Variants in ATR observed in about 807,000 individuals in gnomAD.
The protein encoded by ATR is serine/threonine-protein kinase ATR.
Under a neutral mutation model 305.3 loss-of-function variants are expected in ATR, and 142 were observed. That is an observed-to-expected ratio of 0.47 (90% confidence interval 0.41 to 0.53). ATR has a LOEUF of 0.53. ATR is among the 20% of genes least tolerant of loss of function. The pLI is 0.00. For missense variants in ATR, 2,135 were observed against 3,133.1 expected, an observed-to-expected ratio of 0.68 and a Z score of 7.60; for synonymous variants, 1,050 against 1,068.1, an observed-to-expected ratio of 0.98 and a Z score of 0.33.
intron 45 of ATR, among the ~76,000 whole-genome samples, chr3:142,455,046 GAACT>G (rs1331906423): frequency 6.6e-6 from 1 of 152,012 alleles, no homozygotes; most frequent in Non-Finnish European, 1.5e-5. Context: ...ATAATTATTA[GAACT>G]AATACATGAA....
At position 142,560,458 on chromosome 3, in the gene ATR, T is replaced by C. The variant is rs777112000; in HGVS notation, c.1350-4A>G. 1.4e-5 allele frequency: 22 copies of C among 1,596,104 alleles called. No individual in the cohort carries two copies. Among genetic ancestry groups the C allele is most frequent in the Admixed American group, 6.7e-5 (4 of 59,984 alleles). ...GTTCATGTCCACATGTTTAATTCTA[T>C]AATTATGAATATAGTAGAGAGATAT... On this transcript the variant is annotated splice_region_variant and splice_polypyrimidine_tract_variant and intron_variant, in intron 5 of 46. Transcript: ENST00000350721.
At chr3:142,499,371 T>C (rs1351073295) in intron 31 of ATR, among the ~76,000 whole-genome samples, 1 of 151,818 alleles carries the variant, frequency 6.6e-6, no homozygotes, top group Non-Finnish European at 1.5e-5. Context: ...CTCAGCTCAC[T>C]GCAACCTCCA....
At chr3:142,462,199 G>A (rs2071035877) in intron 41 of ATR, 109 bp from the exon 42 acceptor site, 1 of 1,124,430 alleles carries the variant, frequency 8.9e-7, no homozygotes, top group Non-Finnish European at 1.3e-6. Context: ...GAATGTCATT[G>A]AAGGCTTACT....
intron 16 of ATR, 120 bp from the exon 17 acceptor site, chr3:142,542,877 T>C: frequency 2.5e-6 from 2 of 809,100 alleles, no homozygotes; most frequent in Non-Finnish European, 4.0e-6. Flanking sequence ...ATATTAGAAA[T>C]AAACACTTGG....
intron 27 of ATR, among the ~76,000 whole-genome samples, chr3:142,511,673 T>C (rs569221360): frequency 1.3e-5 from 2 of 150,954 alleles, no homozygotes; most frequent in Non-Finnish European, 3.0e-5. Context: ...AATTAATAAA[T>C]AAAAATAAAA....
intron 1 of ATR, 72 bp downstream of exon 1, chr3:142,578,574 G>A (rs1329542423): frequency 1.3e-6 from 2 of 1,509,766 alleles, no homozygotes; most frequent in East Asian, 2.3e-5. Context: ...CAGCAGGGGA[G>A]GGGAGAGCAC....
chr3:142,565,055 T>C (rs1456898344), intron 3 of ATR, among the ~76,000 whole-genome samples: 1 of 152,174 alleles, frequency 6.6e-6, no homozygotes, highest in African/African-American at 2.4e-5. Context: ...CCTATGATAT[T>C]TTCTAGTTTA....
chr3:142,493,426 C>A, intron 34 of ATR, 115 bp from the exon 35 acceptor site: 1 of 1,173,924 alleles, frequency 8.5e-7, no homozygotes, highest in South Asian at 1.6e-5. Context: ...TCATGTTTAT[C>A]TTTTACTTGC....
At chr3:142,526,650 C>T (rs1036071478) in intron 21 of ATR, among the ~76,000 whole-genome samples, 3 of 151,846 alleles carry the variant, frequency 2.0e-5, no homozygotes, top group Non-Finnish European at 4.4e-5. Context: ...AAAGTCTATT[C>T]GGCATCTATG....
intron 19 of ATR, among the ~76,000 whole-genome samples, chr3:142,536,716 A>G (rs1392453444): frequency 2.0e-5 from 3 of 152,196 alleles, no homozygotes; most frequent in Non-Finnish European, 4.4e-5. Flanking sequence ...ATGTGGCCAC[A>G]TCAGTGACCA....
intron 1 of ATR, among the ~76,000 whole-genome samples, chr3:142,574,922 G>A (rs747030393): frequency 1.6e-4 from 24 of 152,240 alleles, no homozygotes; most frequent in Non-Finnish European, 2.4e-4. Context: ...AGATGCAGCT[G>A]AAGAGGGAAG....
At chr3:142,494,266 A>G (rs1470088083) in intron 34 of ATR, among the ~76,000 whole-genome samples, 2 of 152,194 alleles carry the variant, frequency 1.3e-5, no homozygotes, top group African/African-American at 4.8e-5. Flanking sequence ...TTTGTTATCC[A>G]TAGAGAATCC....
At position 142,556,469 on chromosome 3, in the gene ATR, A is replaced by G. The variant is rs1180771627; in HGVS notation, c.1992T>C (p.His664=). 2 of 1,614,014 alleles carry G rather than the reference A, an allele frequency of 1.2e-6. No homozygotes were observed. Among genetic ancestry groups the G allele is most frequent in the African/African-American group, 2.7e-5 (2 of 74,936 alleles). ...AVYNWALQSS[H]EVIRASCVSG... Reference sequence around the variant, plus strand: ...TAACACAACTAGCCCGGATTACTTCATGGGAGCTCTGCAGGGCCCAGTTGT... The same window carrying G: ...TAACACAACTAGCCCGGATTACTTCGTGGGAGCTCTGCAGGGCCCAGTTGT... The change falls in exon 9 of 47, where the codon CAT becomes CAC. Residue 664 remains histidine, a synonymous_variant. Coordinates refer to ENST00000350721, the MANE Select transcript of ATR (RefSeq NM_001184.4).
chr3:142,452,030 A>G lies in ATR; in HGVS notation c.7761+1098T>C, dbSNP rs997653096. On this transcript the variant is annotated intron_variant, in intron 46 of 46. Transcript: ENST00000350721. ...GAGTGAATTTTTCCACAATTCTGGA[A>G]ATATTAATCTCACCCTACAGATGAA... The G allele has an allele frequency of 7.8e-6, 8 of 1,031,668 alleles. No homozygotes were observed. In the African/African-American group the frequency reaches 1.2e-4, roughly 15 times the overall value. The allele number at this position is 1,031,668 out of a possible 1,614,324, so 63.9% of individuals were successfully genotyped here.
intron 24 of ATR, among the ~76,000 whole-genome samples, chr3:142,516,142 T>A (rs540059615): frequency 6.6e-6 from 1 of 152,172 alleles, no homozygotes; most frequent in Non-Finnish European, 1.5e-5. Flanking sequence ...CTTGTTGAGA[T>A]CTTCTGTTCC....
rs2108278721 is a variant in ATR at position 142,469,377 on chromosome 3, T to G, written c.6512A>C (p.Tyr2171Ser). Residue 2171 changes from tyrosine to serine, a missense_variant, in exon 38 of 47, where the codon TAT becomes TCT. This residue lies in a region of ATR where 462 missense variants were observed against 887.6 expected (regional missense o/e 0.52). Transcript: ENST00000350721. ...CATCATCCACATTGCTTGTTGAGGA[T>G]AGGCTAGAAATACTTTGGCTATTAT... ...MEIIAKVFLA[Y>S]PQQAMWMMTA... The G allele has an allele frequency of 6.2e-7, 1 of 1,613,974 alleles. No individual in the cohort carries two copies. The highest frequency in any genetic ancestry group is 8.5e-7 in the Non-Finnish European group (1 of 1,179,940).
chr3:142,569,292 G>A (rs903417355), intron 1 of ATR, among the ~76,000 whole-genome samples: 6 of 152,070 alleles, frequency 3.9e-5, no homozygotes, highest in Non-Finnish European at 8.8e-5. Flanking sequence ...ACCAACACAC[G>A]TTATTTTCTG....
At chr3:142,517,531 C>T (rs963835294) in intron 24 of ATR, among the ~76,000 whole-genome samples, 1 of 152,144 alleles carries the variant, frequency 6.6e-6, no homozygotes, top group Non-Finnish European at 1.5e-5. Context: ...GGAATCAACG[C>T]TATTGAAAAC....
At position 142,536,091 on chromosome 3, in the gene ATR, A is replaced by G. The variant is rs774405359; in HGVS notation, c.3819+17T>C. 5.3e-6 allele frequency: 8 copies of G among 1,503,892 alleles called. No individual in the cohort carries two copies. The highest frequency in any genetic ancestry group is 6.5e-6 in the Non-Finnish European group (7 of 1,080,828). 93.2% of individuals were successfully genotyped at this position (1,503,892 alleles called of 1,614,324 possible). ...TGTATTAATGATCTCCTAAACCACA[A>G]ATTAAAAATTAAATACCTTTCTGTA... is the stretch of plus-strand genomic sequence containing the variant. On this transcript the variant is annotated intron_variant, in intron 20 of 46. Coordinates refer to ENST00000350721, the MANE Select transcript of ATR (RefSeq NM_001184.4).
Sources: gnomAD v4.1 joint callset for allele counts (sites outside exome capture counted in the v4.1 genomes callset) on GRCh38, gnomAD v4.1.1 for gene constraint, gnomAD v4.1.1 regional missense constraint, MANE v1.5 for transcripts, NCBI Gene and HGNC (gene_info 2026-07-23, HGNC 2026-07-21) for gene names.